HYAL4: variants seen among roughly 807,000 people sequenced by gnomAD.
HYAL4 encodes hyaluronidase 4.
Under a neutral mutation model 35.2 loss-of-function variants are expected in HYAL4, and 37 were observed. The observed-to-expected ratio is 1.05, with a 90% CI of 0.81 to 1.38. The LOEUF is 1.38. Among genes scored for constraint, HYAL4 ranks in the 40% most tolerant of loss-of-function variants. The pLI is 0.00. For synonymous variants in HYAL4, 198 were observed against 203.2 expected (o/e 0.97, Z 0.22); for missense variants, 572 against 572.4 (o/e 1.00, Z 0.01).
chr7:123,863,842 T>C (rs907248520), intron 2 of HYAL4, among the ~76,000 whole-genome samples: 9 of 152,280 alleles, frequency 5.9e-5, no homozygotes, highest in African/African-American at 2.2e-4. Flanking sequence ...TTTTTTTCTT[T>C]TAATTTATCA....
chr7:123,791,467 A>G, the HYAL4 span, among the ~76,000 whole-genome samples: 1 of 152,252 alleles, frequency 6.6e-6, no homozygotes. Flanking sequence ...TCTCCAAATC[A>G]TAACTTATCA....
At chr7:123,826,263 A>G (rs907091608), upstream of HYAL4, among the ~76,000 whole-genome samples, 3 of 152,104 alleles carry the variant, frequency 2.0e-5, no homozygotes, top group Non-Finnish European at 4.4e-5. Context: ...TGCAGCAGGT[A>G]GCAACTAAGG....
rs912933962 is a variant in HYAL4 at position 123,854,633 on chromosome 7, A to T, written c.-52+6475A>T. Among the ~76,000 whole-genome samples the T allele has an allele frequency of 2.6e-5, 4 of 152,278 alleles. No homozygotes were observed. In the South Asian group the frequency reaches 8.3e-4, roughly 32 times the overall value. ...TTTTGCATTTGCTGAGGAATGTTTT[A>T]CTTCCAATTATGTGGTCAATTTAAG... is the stretch of plus-strand genomic sequence containing the variant. On this transcript the variant is annotated intron_variant, in intron 2 of 4. Transcript: ENST00000223026.
At chr7:123,783,447 A>G in the HYAL4 span, among the ~76,000 whole-genome samples, 3 of 133,014 alleles carry the variant, frequency 2.3e-5, no homozygotes, top group South Asian at 6.9e-4. Flanking sequence ...GTTAAGTGAT[A>G]TAACAAGACA....
intron 3 of HYAL4, among the ~76,000 whole-genome samples, chr7:123,870,332 C>G (rs929847426): frequency 6.6e-6 from 1 of 152,084 alleles, no homozygotes; most frequent in Non-Finnish European, 1.5e-5. Context: ...AATACCATAC[C>G]TCCAACATCA....
At position 123,868,733 on chromosome 7, in the gene HYAL4, G is replaced by C. The variant is rs775881186; in HGVS notation, c.460G>C (p.Ala154Pro). ...IDWEYWRPQW[A>P]RNWNSKDVYR... ...TTGGGAATATTGGCGACCACAGTGG[G>C]CCCGGAACTGGAACTCAAAAGATGT... The change falls in exon 3 of 5, where the codon GCC (alanine) becomes CCC (proline). Residue 154 changes from alanine to proline, a missense_variant. Coordinates refer to ENST00000223026, the MANE Select transcript of HYAL4 (RefSeq NM_012269.3). 1 of 1,613,998 alleles carries C rather than the reference G, an allele frequency of 6.2e-7. No homozygotes were observed. Among genetic ancestry groups the C allele is most frequent in the Non-Finnish European group, 8.5e-7 (1 of 1,179,998 alleles).
chr7:123,877,125 T>C lies in HYAL4; in HGVS notation c.1416T>C (p.Leu472=). ...CACTAATGACACTTTGTCTACTGCT[T>C]TTAGCAAGTTATCGAAGCATTCAGT... The part of the protein sequence containing the change: ...PGSLMTLCLL[L]LASYRSIQL Residue 472 remains leucine, a synonymous_variant, in exon 5 of 5, where the codon CTT becomes CTC. Coordinates refer to ENST00000223026, the MANE Select transcript of HYAL4 (RefSeq NM_012269.3). 19 of 1,614,038 alleles carry C rather than the reference T, an allele frequency of 1.2e-5. No homozygotes were observed. Among genetic ancestry groups the C allele is most frequent in the Non-Finnish European group, 1.6e-5 (19 of 1,179,912 alleles).
intron 2 of HYAL4, among the ~76,000 whole-genome samples, chr7:123,848,641 G>A (rs1377326626): frequency 6.6e-6 from 1 of 152,154 alleles, no homozygotes; most frequent in East Asian, 1.9e-4. Flanking sequence ...CACTCCTCAA[G>A]CTAACTTTAT....
chr7:123,818,507 TTA>T, the HYAL4 span, among the ~76,000 whole-genome samples: 2 of 152,200 alleles, frequency 1.3e-5, no homozygotes, highest in African/African-American at 4.8e-5. Flanking sequence ...CACTTCTAAT[TTA>T]TATATGTTTT....
At chr7:123,787,501 C>T in the HYAL4 span, among the ~76,000 whole-genome samples, 6 of 152,230 alleles carry the variant, frequency 3.9e-5, no homozygotes, top group African/African-American at 1.2e-4. Flanking sequence ...CCAAAGCTTG[C>T]AAGGCCATGG....
intron 1 of HYAL4, among the ~76,000 whole-genome samples, chr7:123,839,556 C>T (rs1451573242): frequency 6.6e-6 from 1 of 152,206 alleles, no homozygotes; most frequent in African/African-American, 2.4e-5. Context: ...TGAGGAATCG[C>T]CACACTGTCT....
the HYAL4 span, among the ~76,000 whole-genome samples, chr7:123,778,159 G>A: frequency 0.084 from 10,161 of 120,730 alleles, 414 homozygotes; most frequent in Middle Eastern, 0.12. Flanking sequence ...CTGTCTGTCT[G>A]TCTATCTATC....
At chr7:123,799,642 A>G in the HYAL4 span, among the ~76,000 whole-genome samples, 1 of 151,412 alleles carries the variant, frequency 6.6e-6, no homozygotes, top group South Asian at 2.1e-4. Flanking sequence ...TACAAAAAAT[A>G]TATATAAATT....
intron 1 of HYAL4, among the ~76,000 whole-genome samples, chr7:123,833,881 G>A (rs1191034890): frequency 1.3e-5 from 2 of 152,110 alleles, no homozygotes; most frequent in African/African-American, 4.8e-5. Flanking sequence ...CTTTGTTGAA[G>A]ATCAGCTGAC....
chr7:123,874,772 C>A lies in HYAL4; in HGVS notation c.966C>A (p.Val322=). Residue 322 remains valine, a synonymous_variant, in exon 4 of 5, where the codon GTC becomes GTA. Transcript: ENST00000223026. The part of the protein sequence containing the change: ...PLFFLSKQDL[V]STIGESAALG... ...TGTCTTCAATCTAGCAAGATCTAGT[C>A]AGCACCATAGGAGAAAGTGCTGCCT... The A allele has an allele frequency of 6.3e-7, 1 of 1,598,798 alleles. No homozygotes were observed. The highest frequency in any genetic ancestry group is 8.6e-7 in the Non-Finnish European group (1 of 1,166,038).
At chr7:123,806,618 TTTTTTTTTTTTTCA>T in the HYAL4 span, among the ~76,000 whole-genome samples, 1 of 144,488 alleles carries the variant, frequency 6.9e-6, no homozygotes, top group Non-Finnish European at 1.5e-5. Flanking sequence ...TAATTTTGTA[TTTTTTTTTTTTTCA>T]GTAGAGATGG....
chr7:123,806,989 TACAGTTACCCC>T, the HYAL4 span, among the ~76,000 whole-genome samples: 1 of 152,192 alleles, frequency 6.6e-6, no homozygotes, highest in Non-Finnish European at 1.5e-5. Flanking sequence ...ATAGATGTCC[TACAGTTACCCC>T]AGCTCCTGGA....
At chr7:123,828,979 A>G (rs763264159), upstream of HYAL4, 2 of 152,644 alleles carry the variant, frequency 1.3e-5, no homozygotes, top group Admixed American at 1.3e-4. Flanking sequence ...TCTGTGCAGC[A>G]ATCTATCCGA....
chr7:123,799,463 AAATT>A, the HYAL4 span, among the ~76,000 whole-genome samples: 1 of 150,382 alleles, frequency 6.6e-6, no homozygotes, highest in Admixed American at 6.6e-5. Flanking sequence ...TATAAATTAT[AAATT>A]TATAATTTCA....
Sources: gnomAD v4.1 joint callset for allele counts (sites outside exome capture counted in the v4.1 genomes callset) on GRCh38, gnomAD v4.1.1 for gene constraint, MANE v1.5 for transcripts, NCBI Gene and HGNC (gene_info 2026-07-23, HGNC 2026-07-21) for gene names.